The following RPS24 variants were observed in gnomAD, a reference collection of about 807,000 sequenced individuals.
The protein encoded by RPS24 is small ribosomal subunit protein eS24.
For synonymous variants in RPS24, 72 were observed against 55.6 expected (o/e 1.30, Z -1.31); for missense variants, 100 against 162.5 (o/e 0.62, Z 2.09).
intron 1 of RPS24, 114 bp downstream of exon 1, chr10:78,034,018 GT>G: frequency 7.5e-7 from 1 of 1,334,400 alleles, no homozygotes. Flanking sequence ...TTCTCTGGCC[GT>G]TTCTGTCAGA....
downstream of RPS24, among the ~76,000 whole-genome samples, chr10:78,042,609 C>T (rs1240384807): frequency 6.6e-6 from 1 of 152,198 alleles, no homozygotes; most frequent in Admixed American, 6.5e-5. Flanking sequence ...CCATAAAATG[C>T]AAACTTGACT....
At chr10:78,037,420 C>G in intron 4 of RPS24, 116 bp downstream of exon 4, 3 of 1,449,272 alleles carry the variant, frequency 2.1e-6, no homozygotes, top group African/African-American at 1.4e-5. Flanking sequence ...CTTCTTTTCC[C>G]TCTTCTTCTG....
chr10:78,037,870 T>A, intron 4 of RPS24: 1 of 898,704 alleles, frequency 1.1e-6, no homozygotes, highest in Non-Finnish European at 1.5e-6. Flanking sequence ...TGTTGGGTTG[T>A]TAAATTAACA....
chr10:78,046,374 G>GTTTTTTTTT (rs1848043919), intron 4 of RPS24, among the ~76,000 whole-genome samples: 1 of 117,964 alleles, frequency 8.5e-6, no homozygotes, highest in African/African-American at 4.7e-5. Context: ...TTGAGAATGA[G>GTTTTTTTTT]TCTCGCTCTG....
chr10:78,055,133 A>C, exon 5 of RPS24: 2 of 1,408,038 alleles, frequency 1.4e-6, no homozygotes, highest in South Asian at 3.4e-5. Flanking sequence ...ACCTCTGTTC[A>C]GAACCCTCCA....
exon 5 of RPS24, chr10:78,055,024 G>T: frequency 6.9e-7 from 1 of 1,457,204 alleles, no homozygotes; most frequent in Non-Finnish European, 9.1e-7. Context: ...CACTGCCATG[G>T]CCGCCTTGCT....
chr10:78,051,756 A>G (rs1848100927), intron 4 of RPS24, among the ~76,000 whole-genome samples: 1 of 152,214 alleles, frequency 6.6e-6, no homozygotes, highest in Non-Finnish European at 1.5e-5. Context: ...TAGCCATGCA[A>G]GTAGGTATGA....
intron 3 of RPS24, among the ~76,000 whole-genome samples, chr10:78,036,839 A>G (rs1196202875): frequency 3.3e-5 from 5 of 152,024 alleles, no homozygotes; most frequent in Admixed American, 6.6e-5. Flanking sequence ...AGTAATGGGG[A>G]GTTGAAATGG....
intron 4 of RPS24, among the ~76,000 whole-genome samples, chr10:78,053,493 A>G (rs748720258): frequency 6.6e-6 from 1 of 152,162 alleles, no homozygotes; most frequent in Non-Finnish European, 1.5e-5. Context: ...ATTTAATAAC[A>G]ACACTTTGGA....
intron 4 of RPS24, among the ~76,000 whole-genome samples, chr10:78,048,215 A>G (rs1484403829): frequency 1.3e-5 from 2 of 152,148 alleles, no homozygotes; most frequent in Non-Finnish European, 2.9e-5. Context: ...TCTCTCAAAC[A>G]AGATTTTTTA....
At chr10:78,051,363 G>A (rs897279064) in intron 4 of RPS24, among the ~76,000 whole-genome samples, 2 of 152,170 alleles carry the variant, frequency 1.3e-5, no homozygotes, top group Non-Finnish European at 2.9e-5. Context: ...TTTTATGACC[G>A]GATTCTTTCA....
chr10:78,045,918 C>T (rs1848038713), intron 4 of RPS24, among the ~76,000 whole-genome samples: 1 of 151,946 alleles, frequency 6.6e-6, no homozygotes, highest in Non-Finnish European at 1.5e-5. Flanking sequence ...ACGAGAATTG[C>T]TTGAACCCAG....
intron 3 of RPS24, 73 bp downstream of exon 3, chr10:78,035,793 TAA>T: frequency 7.9e-7 from 1 of 1,272,074 alleles, no homozygotes; most frequent in Non-Finnish European, 1.1e-6. Flanking sequence ...GTGAGTGTGG[TAA>T]AAAGGGCAAG....
At position 78,046,860 on chromosome 10, in the gene RPS24, A is replaced by T. The variant is rs551518922; in HGVS notation, c.391-7671A>T. On this transcript the variant is annotated intron_variant, in intron 4 of 4. Transcript: ENST00000440692. ...GTGGAGGTGATTAGCTGAGGCAGCG[A>T]TTCTCCAGGTGTGGTCCTGGACAGC... 3.3e-4 allele frequency among the ~76,000 whole-genome samples: 51 copies of T among 152,294 alleles called. No homozygotes were observed. The Middle Eastern group carries it at 0.014, about 41-fold the overall frequency.
chr10:78,054,761 G>C lies in RPS24; in HGVS notation c.621G>C (p.Gln207His). 1.3e-6 allele frequency: 2 copies of C among 1,551,684 alleles called. 1 individual carries two copies. Among genetic ancestry groups the C allele is most frequent in the Non-Finnish European group, 1.7e-6 (2 of 1,146,988 alleles). ...CTGAAAACAGAGAACAGTGCTGCCA[G>C]GCGTGCCTTTTGGAGAGGGCACTGG... The change falls in exon 5 of 5, where the codon CAG (glutamine) becomes CAC (histidine). Residue 207 changes from glutamine to histidine, a missense_variant. Physicochemically the swap from Gln to His is conservative, Grantham distance 24. Transcript: ENST00000440692.
intron 4 of RPS24, chr10:78,039,126 A>G (rs1231314349): frequency 6.6e-6 from 1 of 152,234 alleles, no homozygotes; most frequent in Non-Finnish European, 1.5e-5. Context: ...CTGTAATCAC[A>G]TTGATGTCCC....
intron 1 of RPS24, 45 bp downstream of exon 1, chr10:78,033,949 C>T: frequency 1.2e-6 from 2 of 1,612,462 alleles, no homozygotes; most frequent in Admixed American, 1.7e-5. Flanking sequence ...CGTATCCGAG[C>T]CATCCGTGGT....
intron 4 of RPS24, chr10:78,037,869 G>A (rs1847906278): frequency 1.2e-6 from 1 of 826,638 alleles, no homozygotes; most frequent in African/African-American, 2.0e-5. Flanking sequence ...GTGTTGGGTT[G>A]TTAAATTAAC....
intron 4 of RPS24, among the ~76,000 whole-genome samples, chr10:78,054,217 T>TGGGAA (rs1366248727): frequency 1.3e-5 from 2 of 150,100 alleles, no homozygotes; most frequent in Non-Finnish European, 3.0e-5. Context: ...GAAGAAGGAG[T>TGGGAA]GGGAAGGGAA....
Sources: allele counts gnomAD v4.1 joint callset (sites outside exome capture counted in the v4.1 genomes callset), GRCh38; gene constraint gnomAD v4.1.1; transcripts MANE v1.5; gene names NCBI Gene and HGNC (gene_info 2026-07-23, HGNC 2026-07-21).